INTS7: variants seen among roughly 807,000 people sequenced by gnomAD.
The protein encoded by INTS7 is chromosome 1 open reading frame 73.
Under a neutral mutation model 109.2 loss-of-function variants are expected in INTS7, and 46 were observed. The observed-to-expected ratio is 0.42, with a 90% CI of 0.33 to 0.54. The LOEUF is 0.54. INTS7 is among the 20% of genes least tolerant of loss of function. The pLI, the probability that INTS7 is intolerant of heterozygous loss-of-function variation, is 0.07. For missense variants in INTS7, 929 were observed against 1,132.4 expected, an observed-to-expected ratio of 0.82 and a Z score of 2.58; for synonymous variants, 412 against 402.9, an observed-to-expected ratio of 1.02 and a Z score of -0.27.
intron 16 of INTS7, among the ~76,000 whole-genome samples, chr1:211,955,824 G>C (rs1663337789): frequency 6.6e-6 from 1 of 152,186 alleles, no homozygotes; most frequent in Admixed American, 6.5e-5. Context: ...AGGAGTGACT[G>C]GTAAGGGATT....
At chr1:211,989,802 A>G (rs1167378800) in intron 7 of INTS7, among the ~76,000 whole-genome samples, 2 of 151,206 alleles carry the variant, frequency 1.3e-5, no homozygotes, top group Non-Finnish European at 2.9e-5. Flanking sequence ...AGCCAGGGCG[A>G]CAGAGCAAGA....
At chr1:212,026,841 A>T (rs1666945475) in intron 1 of INTS7, among the ~76,000 whole-genome samples, 1 of 152,234 alleles carries the variant, frequency 6.6e-6, no homozygotes. Flanking sequence ...AGTAGGAAAC[A>T]GCCTATGTAC....
intron 11 of INTS7, 100 bp downstream of exon 11, chr1:211,978,172 C>A: frequency 7.3e-7 from 1 of 1,366,398 alleles, no homozygotes; most frequent in South Asian, 1.3e-5. Flanking sequence ...ATTGTTTGTT[C>A]TGTTTTTTAA....
chr1:211,962,560 A>C (rs1663685914), intron 16 of INTS7, among the ~76,000 whole-genome samples: 1 of 152,190 alleles, frequency 6.6e-6, no homozygotes, highest in South Asian at 2.1e-4. Flanking sequence ...TCCACCCAAA[A>C]ACAACAGAAT....
rs1434774928 is a variant in INTS7, at chr1:211,967,951, G to T, written c.2041C>A (p.Leu681Ile). The change falls in exon 15 of 20, where the codon CTT becomes ATT. Residue 681 changes from leucine (L) to isoleucine (I), a missense_variant. Physicochemically the swap from Leu to Ile is conservative, Grantham distance 5. This residue lies in a region of INTS7 where 787 missense variants were observed against 901.1 expected (regional missense o/e 0.87). Transcript: ENST00000366994. Reference sequence around the variant, plus strand: ...TAAAGATCTCCATATCGAGAAGCAAGGCTTCGAAATTCTTCCATGGACTGT... The same window carrying T: ...TAAAGATCTCCATATCGAGAAGCAATGCTTCGAAATTCTTCCATGGACTGT... ...MKQSMEEFRS[L>I]ASRYGDLYQA... is the part of the protein sequence containing the mutation. 10 of 1,605,088 alleles carry T rather than the reference G, an allele frequency of 6.2e-6. 1 individual carries two copies. Among genetic ancestry groups the T allele is most frequent in the Non-Finnish European group, 7.7e-6 (9 of 1,175,520 alleles).
chr1:211,988,067 T>A (rs1040014846), intron 7 of INTS7, 64 bp from the exon 8 acceptor site: 31 of 776,836 alleles, frequency 4.0e-5, no homozygotes, highest in Non-Finnish European at 5.6e-5. Flanking sequence ...AACTGTCTAC[T>A]CCATTTACAT....
chr1:212,015,040 G>A (rs1448950431), intron 4 of INTS7, among the ~76,000 whole-genome samples: 2 of 152,016 alleles, frequency 1.3e-5, no homozygotes, highest in Admixed American at 1.3e-4. Flanking sequence ...CGCCCCATCT[G>A]GGAGGTGAGG....
At chr1:211,953,721 G>A (rs1269521223) in intron 16 of INTS7, among the ~76,000 whole-genome samples, 6 of 151,394 alleles carry the variant, frequency 4.0e-5, no homozygotes, top group Non-Finnish European at 5.9e-5. Flanking sequence ...CCCTACAAAG[G>A]ACATGAACTC....
chr1:211,969,317 A>G (rs73091065), intron 13 of INTS7, among the ~76,000 whole-genome samples: 10,731 of 151,442 alleles, frequency 0.071, 637 homozygotes, highest in African/African-American at 0.16. Context: ...AGATAATCGC[A>G]TAAGGGATGC....
chr1:211,967,881 T>C lies in INTS7; in HGVS notation c.2111A>G (p.Glu704Gly). 6.4e-7 allele frequency: 1 copy of C among 1,573,774 alleles called. No homozygotes were observed. The highest frequency in any genetic ancestry group is 8.7e-7 in the Non-Finnish European group (1 of 1,147,098). The change falls in exon 15 of 20, where the codon GAA becomes GGA. Residue 704 changes from glutamate (E) to glycine (G), a missense_variant. Around this residue, in one of 2 missense-constraint regions of INTS7, gnomAD observed 787 missense variants for 901.1 expected, o/e 0.87. Transcript: ENST00000366994. ...TACTAGGGCAAGCTTGGGATACAGT[T>C]CAACATTCCTCAAAGTTGCTGAGTC... ...DADSATLRNVELQQQSCLLIS... is the reference protein window; with the variant it reads ...DADSATLRNVGLQQQSCLLIS...
At chr1:211,999,551 C>T (rs1263298066) in intron 7 of INTS7, among the ~76,000 whole-genome samples, 1 of 152,132 alleles carries the variant, frequency 6.6e-6, no homozygotes, top group Non-Finnish European at 1.5e-5. Flanking sequence ...TTTGTAAAAA[C>T]TCATCCAACT....
At chr1:212,011,244 G>A (rs1571903276) in intron 5 of INTS7, 131 bp downstream of exon 5, 3 of 596,316 alleles carry the variant, frequency 5.0e-6, no homozygotes, top group Admixed American at 6.9e-5. Flanking sequence ...AACAGTTTGG[G>A]CAAATAGAAG....
At chr1:211,967,834 TA>T in intron 15 of INTS7, 43 bp downstream of exon 15, 1 of 1,032,052 alleles carries the variant, frequency 9.7e-7, no homozygotes, top group Non-Finnish European at 1.5e-6. Flanking sequence ...TTTAAAAGAA[TA>T]CTTCCAAAAA....
Position 211,978,421 on chromosome 1 carries a change from C to T in INTS7, c.1321G>A (p.Ala441Thr), listed in dbSNP as rs1664512268. 6.2e-7 allele frequency: 1 copy of T among 1,614,100 alleles called. No homozygotes were observed. The highest frequency in any genetic ancestry group is 1.3e-5 in the African/African-American group (1 of 74,942). The change falls in exon 11 of 20, where the codon GCT (alanine) becomes ACT (threonine). Residue 441 changes from alanine to threonine, a missense_variant. Around this residue, in one of 2 missense-constraint regions of INTS7, gnomAD observed 787 missense variants for 901.1 expected, o/e 0.87. Transcript: ENST00000366994. The stretch of plus-strand genomic sequence containing the variant: ...ATCAAAATCCGGGCAGCGTCTTGAG[C>T]ACTGTGCAATTGAGTCAACAAGGTC... ...VETLLTQLHS[A>T]QDAARILMCH...
rs528709628 is a variant in INTS7, at chr1:211,941,387, A to C, written c.*437T>G. Reference sequence around the variant, plus strand: ...AAATGTATTTATTTATTTTTTTGAGACGGAGTCTCGCTCTGTCGCCCAGGC... The same window carrying C: ...AAATGTATTTATTTATTTTTTTGAGCCGGAGTCTCGCTCTGTCGCCCAGGC... On this transcript the variant is annotated 3_prime_UTR_variant, in exon 20 of 20. Transcript: ENST00000366994. The C allele has an allele frequency of 6.5e-6, 1 of 154,142 alleles. No homozygotes were observed. The highest frequency in any genetic ancestry group is 2.4e-5 in the African/African-American group (1 of 41,644). The allele number at this position is 154,142 out of a possible 1,614,324, so 9.5% of individuals were successfully genotyped here. A position where few individuals can be genotyped will look rare whatever the true frequency, so the allele number is the denominator to read the frequency against.
chr1:212,029,408 C>T (rs1044998712), intron 1 of INTS7, among the ~76,000 whole-genome samples: 1 of 152,214 alleles, frequency 6.6e-6, no homozygotes, highest in Non-Finnish European at 1.5e-5. Context: ...AGAAATACTG[C>T]TGCTGCCATG....
At position 211,959,678 on chromosome 1, in the gene INTS7, G is replaced by A. The variant is rs566917999; in HGVS notation, c.2183+6752C>T. Reference sequence around the variant, plus strand: ...TACCGCCATTGCATTTGGAGCTCCTGTGTCAACATTGCCCTGGGAGTGAAA... The same window carrying A: ...TACCGCCATTGCATTTGGAGCTCCTATGTCAACATTGCCCTGGGAGTGAAA... On this transcript the variant is annotated intron_variant, in intron 16 of 19. Transcript: ENST00000366994. This position sits in a 1 kb window ranked among gnomAD's most constrained non-coding sequence, Gnocchi z 4.2. Among the ~76,000 whole-genome samples the A allele has an allele frequency of 2.6e-5, 4 of 151,836 alleles. No homozygotes were observed. Among genetic ancestry groups the A allele is most frequent in the African/African-American group, 9.7e-5 (4 of 41,256 alleles).
chr1:211,962,525 G>C (rs546952368), intron 16 of INTS7, among the ~76,000 whole-genome samples: 1 of 152,216 alleles, frequency 6.6e-6, no homozygotes, highest in East Asian at 1.9e-4. Context: ...GGATCAAATG[G>C]ACCTGATAGA....
chr1:211,972,172 T>C (rs1164834192), intron 13 of INTS7, among the ~76,000 whole-genome samples: 1 of 152,172 alleles, frequency 6.6e-6, no homozygotes, highest in African/African-American at 2.4e-5. Context: ...ATTTTCTAAC[T>C]GGATGTTTGG....
Sources: allele counts gnomAD v4.1 joint callset (sites outside exome capture counted in the v4.1 genomes callset), GRCh38; gene constraint gnomAD v4.1.1; regional missense constraint gnomAD v4.1.1; non-coding constraint Gnocchi (gnomAD v3.1); transcripts MANE v1.5; gene names NCBI Gene and HGNC (gene_info 2026-07-23, HGNC 2026-07-21).